The following CPQ variants were observed in gnomAD, a reference collection of about 807,000 sequenced individuals.
CPQ encodes the protein carboxypeptidase Q.
Under a neutral mutation model 45.7 loss-of-function variants are expected in CPQ, and 37 were observed. The observed-to-expected ratio is 0.81, with a 90% CI of 0.62 to 1.07. CPQ has a LOEUF of 1.07. Among genes scored for constraint, CPQ ranks in the 50% least tolerant of loss-of-function variants. The pLI is 0.00. For synonymous variants in CPQ, 186 were observed against 205.8 expected (o/e 0.90, Z 0.82); for missense variants, 537 against 572.9 (o/e 0.94, Z 0.64).
intron 1 of CPQ, among the ~76,000 whole-genome samples, chr8:96,669,415 C>T (rs2130719043): frequency 6.6e-6 from 1 of 152,278 alleles, no homozygotes. Context: ...GGACTTGTAC[C>T]TCTATCTGGC....
chr8:96,885,141 A>G (rs1401305019), intron 4 of CPQ, among the ~76,000 whole-genome samples: 3 of 152,210 alleles, frequency 2.0e-5, no homozygotes, highest in African/African-American at 4.8e-5. Context: ...TGGCACCAGC[A>G]ATTTGCAAGG....
rs1238592824 is a variant in CPQ, at chr8:97,040,053, G to A, written c.1053+10559G>A. On this transcript the variant is annotated intron_variant, in intron 6 of 7. Coordinates refer to ENST00000220763, the MANE Select transcript of CPQ (RefSeq NM_016134.4). ...TCTAGTTCTAGATCCCTGAGGAATC[G>A]CCACACTGACTTCCACAATGGTTGA... Among the ~76,000 whole-genome samples the A allele has an allele frequency of 4.7e-5, 7 of 149,552 alleles. No individual in the cohort carries two copies. The East Asian group carries it at 7.9e-4, about 17-fold the overall frequency.
intron 3 of CPQ, among the ~76,000 whole-genome samples, chr8:96,875,471 C>T (rs1241106556): frequency 6.6e-6 from 1 of 151,884 alleles, no homozygotes; most frequent in African/African-American, 2.4e-5. Flanking sequence ...ATTGTTTTGT[C>T]TATGGCATGA....
chr8:96,847,458 T>G lies in CPQ; in HGVS notation c.641+12278T>G, dbSNP rs529014436. Reference sequence around the variant, plus strand: ...AAATGTATGTGATAAAATTCATTACTATCATCATTCTTTTTGATAAAGCAT... The same window carrying G: ...AAATGTATGTGATAAAATTCATTACGATCATCATTCTTTTTGATAAAGCAT... On this transcript the variant is annotated intron_variant, in intron 3 of 7. Transcript: ENST00000220763. Among the ~76,000 whole-genome samples the G allele has an allele frequency of 3.3e-5, 5 of 152,374 alleles. No individual in the cohort carries two copies. The South Asian group carries it at 1.0e-3, about 32-fold the overall frequency.
chr8:96,800,614 A>G (rs1810993573), intron 2 of CPQ, among the ~76,000 whole-genome samples: 1 of 152,206 alleles, frequency 6.6e-6, no homozygotes, highest in African/African-American at 2.4e-5. Flanking sequence ...CCCAGGGACT[A>G]TGACAAAACA....
At chr8:96,839,002 C>G (rs1455871368) in intron 3 of CPQ, among the ~76,000 whole-genome samples, 1 of 152,060 alleles carries the variant, frequency 6.6e-6, no homozygotes, top group Non-Finnish European at 1.5e-5. Context: ...GCTCCCTTCT[C>G]TCTGAAAAGC....
intron 4 of CPQ, among the ~76,000 whole-genome samples, chr8:96,964,906 A>G (rs754067304): frequency 2.0e-5 from 3 of 152,252 alleles, no homozygotes; most frequent in South Asian, 2.1e-4. Flanking sequence ...CCAATATTCT[A>G]TATACCCCAG....
chr8:96,690,977 C>A (rs1270794597), intron 1 of CPQ, among the ~76,000 whole-genome samples: 1 of 145,328 alleles, frequency 6.9e-6, no homozygotes, highest in Non-Finnish European at 1.5e-5. Context: ...ATAAGTTTTT[C>A]CAAGGCAATA....
intron 1 of CPQ, among the ~76,000 whole-genome samples, chr8:96,779,259 GTT>G (rs201517726): frequency 0.011 from 1,662 of 152,030 alleles, 41 homozygotes; most frequent in African/African-American, 0.036. Flanking sequence ...GTCTTCAGAT[GTT>G]ATGTCTTCTC....
At chr8:96,694,399 T>G (rs1809343856) in intron 1 of CPQ, among the ~76,000 whole-genome samples, 1 of 151,884 alleles carries the variant, frequency 6.6e-6, no homozygotes, top group Non-Finnish European at 1.5e-5. Flanking sequence ...AATATCAGAC[T>G]TAATCTGCAC....
rs138968889 is a variant in CPQ at position 96,860,740 on chromosome 8, G to A, written c.642-19058G>A. Among the ~76,000 whole-genome samples the A allele has an allele frequency of 6.1e-3, 934 of 152,220 alleles. 6 individuals carry two copies. The highest frequency in any genetic ancestry group is 0.011 in the Non-Finnish European group (768 of 68,000). ...AAGCTCCTGGCTCAATAGGGAGGAA[G>A]CAGGATAAGTCTTAGCCTCTGGACA... On this transcript the variant is annotated intron_variant, in intron 3 of 7. Transcript: ENST00000220763.
chr8:96,995,080 C>A (rs191065539), intron 5 of CPQ, among the ~76,000 whole-genome samples: 287 of 152,066 alleles, frequency 1.9e-3, no homozygotes, highest in Non-Finnish European at 2.8e-3. Context: ...CTGGTTAAGA[C>A]CCTTAGGCTC....
intron 1 of CPQ, among the ~76,000 whole-genome samples, chr8:96,708,757 C>T (rs1325467379): frequency 1.3e-5 from 2 of 152,030 alleles, no homozygotes; most frequent in Admixed American, 6.6e-5. Context: ...CAGAGTAGCA[C>T]GTTGGTTTCT....
At chr8:96,875,993 G>C (rs552350113) in intron 3 of CPQ, among the ~76,000 whole-genome samples, 127 of 151,902 alleles carry the variant, frequency 8.4e-4, no homozygotes, top group African/African-American at 3.0e-3. Context: ...ATAGTTTTCA[G>C]TGTACAGGTT....
chr8:96,666,561 C>T (rs758296552), intron 1 of CPQ, among the ~76,000 whole-genome samples: 1 of 151,702 alleles, frequency 6.6e-6, no homozygotes, highest in African/African-American at 2.4e-5. Context: ...GGAGGACTAC[C>T]CTAAAGAAAA....
chr8:96,715,639 G>A (rs1809663766), intron 1 of CPQ, among the ~76,000 whole-genome samples: 1 of 152,178 alleles, frequency 6.6e-6, no homozygotes, highest in Non-Finnish European at 1.5e-5. Context: ...GTATTGGATA[G>A]AGCTGCAGAC....
At position 96,785,207 on chromosome 8, in the gene CPQ, C is replaced by T. The variant is rs1186037720; in HGVS notation, c.310C>T (p.His104Tyr). ...NLQQDGLEKV[H>Y]LEPVRIPHWE... ...GCAGCAAGATGGGCTGGAGAAAGTT[C>T]ACCTGGAGCCAGTGAGAATACCCCA... The change falls in exon 2 of 8, where the codon CAC becomes TAC. Residue 104 changes from histidine to tyrosine, a missense_variant. Transcript: ENST00000220763. The T allele has an allele frequency of 1.2e-6, 2 of 1,613,602 alleles. No homozygotes were observed. Among genetic ancestry groups the T allele is most frequent in the South Asian group, 1.1e-5 (1 of 91,074 alleles).
rs780470025 is a variant in CPQ, at chr8:96,785,183, C to A, written c.286C>A (p.Gln96Lys). The A allele has an allele frequency of 4.2e-5, 67 of 1,613,476 alleles. No individual in the cohort carries two copies. Among genetic ancestry groups the A allele is most frequent in the Non-Finnish European group, 5.3e-5 (62 of 1,179,800 alleles). The change falls in exon 2 of 8, where the codon CAG (glutamine) becomes AAG (lysine). Residue 96 changes from glutamine to lysine, a missense_variant. By Grantham distance (53) the Gln-to-Lys change is moderately conservative (BLOSUM62 1). Coordinates refer to ENST00000220763, the MANE Select transcript of CPQ (RefSeq NM_016134.4). ...CATCCAAATTATGTACCAAAACCTG[C>A]AGCAAGATGGGCTGGAGAAAGTTCA... Reference protein sequence around the residue: ...KAIQIMYQNLQQDGLEKVHLE... With the variant: ...KAIQIMYQNLKQDGLEKVHLE...
intron 4 of CPQ, among the ~76,000 whole-genome samples, chr8:96,901,402 C>T (rs771888757): frequency 6.6e-6 from 1 of 152,142 alleles, no homozygotes; most frequent in Non-Finnish European, 1.5e-5. Context: ...CAGAGTCTGC[C>T]TCCTGGGGAA....
Sources: gnomAD v4.1 joint callset for allele counts (sites outside exome capture counted in the v4.1 genomes callset) on GRCh38, gnomAD v4.1.1 for gene constraint, MANE v1.5 for transcripts, NCBI Gene and HGNC (gene_info 2026-07-23, HGNC 2026-07-21) for gene names.